The following SLC27A6 variants were observed in gnomAD, a reference collection of about 807,000 sequenced individuals.
The protein encoded by SLC27A6 is solute carrier family 27 member 6, also known as long-chain fatty acid transport protein 6.
SLC27A6 carries 74 observed loss-of-function variants against 63.9 expected under a neutral mutation model. The ratio of observed to expected loss-of-function variants is 1.16; its 90% CI spans 0.96 to 1.40. SLC27A6 has a LOEUF of 1.40. Ranked by LOEUF, SLC27A6 falls within the 40% of genes most tolerant of loss-of-function variation. The pLI, the probability that SLC27A6 is intolerant of heterozygous loss-of-function variation, is 0.00. For missense variants in SLC27A6, 794 were observed against 732.9 expected, an observed-to-expected ratio of 1.08 and a Z score of -0.96; for synonymous variants, 287 against 260.8, an observed-to-expected ratio of 1.10 and a Z score of -0.97.
intron 5 of SLC27A6, among the ~76,000 whole-genome samples, chr5:129,021,976 A>C (rs997070917): frequency 3.9e-5 from 6 of 152,152 alleles, no homozygotes; most frequent in African/African-American, 1.4e-4. Flanking sequence ...AAATTTTCCA[A>C]AAAACAAAGC....
At chr5:128,982,921 G>A (rs1013304720) in intron 1 of SLC27A6, among the ~76,000 whole-genome samples, 3 of 152,144 alleles carry the variant, frequency 2.0e-5, no homozygotes, top group African/African-American at 7.2e-5. Flanking sequence ...TATAATTTCT[G>A]TGTTGCCTTC....
chr5:128,977,960 A>G (rs2150130449), intron 1 of SLC27A6, among the ~76,000 whole-genome samples: 1 of 152,326 alleles, frequency 6.6e-6, no homozygotes, highest in South Asian at 2.1e-4. Context: ...AGATAATATT[A>G]GCAATATCAG....
chr5:129,023,636 A>G lies in SLC27A6; in HGVS notation c.1181A>G (p.Asp394Gly), dbSNP rs1365360155. ...TTTTTGCAGCTTCTTTCCACTTTTG[A>G]CTTAATAAAGTATGACTTTCAGAAA... Reference protein sequence around the residue: ...NLFYKLLSTFDLIKYDFQKDE... With the variant: ...NLFYKLLSTFGLIKYDFQKDE... Residue 394 changes from aspartate to glycine, a missense_variant, in exon 6 of 10, where the codon GAC (aspartate) becomes GGC (glycine). By Grantham distance (94) the Asp-to-Gly change is moderately conservative. Transcript: ENST00000262462. The G allele has an allele frequency of 6.2e-7, 1 of 1,603,348 alleles. No homozygotes were observed. The highest frequency in any genetic ancestry group is 1.7e-5 in the Admixed American group (1 of 57,872).
chr5:128,967,591 A>G (rs1380429481), intron 1 of SLC27A6, among the ~76,000 whole-genome samples: 2 of 152,308 alleles, frequency 1.3e-5, no homozygotes, highest in Non-Finnish European at 2.9e-5. Context: ...TCTCTAAGGT[A>G]TAGAACTTTT....
chr5:129,023,775 C>CAAGGA, intron 6 of SLC27A6, 65 bp downstream of exon 6: 2 of 1,133,298 alleles, frequency 1.8e-6, no homozygotes, highest in Non-Finnish European at 1.3e-6. Flanking sequence ...ACAGACATCC[C>CAAGGA]TTGGTATCCT....
At chr5:129,023,837 G>A in intron 6 of SLC27A6, 127 bp downstream of exon 6, 2 of 654,070 alleles carry the variant, frequency 3.1e-6, no homozygotes, top group Non-Finnish European at 5.4e-6. Context: ...ATGGATGTTT[G>A]CTCCTTATAT....
chr5:129,009,560 TCTC>T (rs1751653559), intron 4 of SLC27A6, among the ~76,000 whole-genome samples: 1 of 152,166 alleles, frequency 6.6e-6, no homozygotes, highest in Non-Finnish European at 1.5e-5. Flanking sequence ...TTACAACTTT[TCTC>T]TTTTCATTCC....
chr5:128,970,257 A>G lies in SLC27A6; in HGVS notation c.481+3639A>G, dbSNP rs375998217. ...TGTTGTGTCTCTGCCAGACTTTGGT[A>G]TCAGGATGATGTTGGCCTCATGAAT... On this transcript the variant is annotated intron_variant, in intron 1 of 9. Coordinates refer to ENST00000262462, the MANE Select transcript of SLC27A6 (RefSeq NM_001017372.3). Among the ~76,000 whole-genome samples, 287 of 152,266 alleles carry G rather than the reference A, an allele frequency of 1.9e-3. 12 individuals are homozygous for G. In the South Asian group the frequency reaches 0.054, roughly 28 times the overall value.
At position 128,996,490 on chromosome 5, in the gene SLC27A6, A is replaced by G. The variant is rs569029606; in HGVS notation, c.969+6026A>G. ...TAAAGTATCAGTGTATTCATTAAGT[A>G]TTTTTATTCATTTTTAAACTTTACA... On this transcript the variant is annotated intron_variant, in intron 4 of 9. Coordinates refer to ENST00000262462, the MANE Select transcript of SLC27A6 (RefSeq NM_001017372.3). Among the ~76,000 whole-genome samples, 190 of 152,244 alleles carry G rather than the reference A, an allele frequency of 1.2e-3. 1 individual carries two copies. Among genetic ancestry groups the G allele is most frequent in the Middle Eastern group, 3.4e-3 (1 of 294 alleles).
At position 129,023,640 on chromosome 5, in the gene SLC27A6, A is replaced by C. The variant is rs1274047764; in HGVS notation, c.1185A>C (p.Leu395Phe). ...LFYKLLSTFD[L>F]IKYDFQKDEP... The stretch of plus-strand genomic sequence containing the variant: ...TGCAGCTTCTTTCCACTTTTGACTT[A>C]ATAAAGTATGACTTTCAGAAAGATG... Residue 395 changes from leucine to phenylalanine, a missense_variant, in exon 6 of 10, where the codon TTA (leucine) becomes TTC (phenylalanine). Coordinates refer to ENST00000262462, the MANE Select transcript of SLC27A6 (RefSeq NM_001017372.3). 4 of 1,606,008 alleles carry C rather than the reference A, an allele frequency of 2.5e-6. No homozygotes were observed. In the African/African-American group the frequency reaches 4.0e-5, roughly 16 times the overall value.
At position 128,985,185 on chromosome 5, in the gene SLC27A6, T is replaced by C; in HGVS notation, c.534T>C (p.Ser178=). The C allele has an allele frequency of 1.2e-6, 2 of 1,613,852 alleles. No homozygotes were observed. The highest frequency in any genetic ancestry group is 1.7e-4 in the Middle Eastern group (1 of 6,024). The stretch of plus-strand genomic sequence containing the variant: ...TTCCAAGCCTCTCAGAAAATATCAG[T>C]GTTTGGGGGATGAAAGATTCTGTTC... ...EILPSLSENI[S]VWGMKDSVPQ... Residue 178 remains serine, a synonymous_variant, in exon 2 of 10, where the codon AGT becomes AGC. Transcript: ENST00000262462.
chr5:128,974,483 A>G (rs577526834), intron 1 of SLC27A6, among the ~76,000 whole-genome samples: 9 of 152,242 alleles, frequency 5.9e-5, no homozygotes, highest in Non-Finnish European at 1.2e-4. Context: ...AATAAGATGT[A>G]GCTTAGATCA....
chr5:128,979,989 T>C (rs901205296), intron 1 of SLC27A6, among the ~76,000 whole-genome samples: 2 of 152,228 alleles, frequency 1.3e-5, no homozygotes, highest in Non-Finnish European at 2.9e-5. Flanking sequence ...TATGCCCTTT[T>C]GGGTGGGAAG....
chr5:129,006,371 T>A (rs1751536918), intron 4 of SLC27A6, among the ~76,000 whole-genome samples: 1 of 152,018 alleles, frequency 6.6e-6, no homozygotes. Context: ...ATTACAGGCA[T>A]GAGCCACCGC....
At chr5:128,966,705 C>G in intron 1 of SLC27A6, 87 bp downstream of exon 1, 1 of 1,307,630 alleles carries the variant, frequency 7.6e-7, no homozygotes, top group Non-Finnish European at 9.8e-7. Context: ...TAATTCGTAA[C>G]TAATATTTTG....
At chr5:129,025,666 A>G (rs1319903587) in intron 6 of SLC27A6, among the ~76,000 whole-genome samples, 2 of 152,122 alleles carry the variant, frequency 1.3e-5, no homozygotes, top group Non-Finnish European at 2.9e-5. Flanking sequence ...GATGATAATG[A>G]TGGTGATGAT....
intron 4 of SLC27A6, among the ~76,000 whole-genome samples, chr5:129,005,608 A>AT (rs34048257): frequency 0.49 from 48,249 of 98,966 alleles, 14,410 homozygotes; most frequent in East Asian, 0.79. Context: ...GTCTGGTTGT[A>AT]TTTTTTTTTT....
intron 2 of SLC27A6, among the ~76,000 whole-genome samples, chr5:128,986,125 AAC>A (rs1181206680): frequency 6.6e-6 from 1 of 152,148 alleles, no homozygotes; most frequent in Admixed American, 6.5e-5. Context: ...CAGCCTAGGC[AAC>A]ACAGTGAGAC....
chr5:128,981,329 A>C (rs1461931403), intron 1 of SLC27A6, among the ~76,000 whole-genome samples: 2 of 151,944 alleles, frequency 1.3e-5, no homozygotes, highest in African/African-American at 4.8e-5. Flanking sequence ...AAAAATACAA[A>C]AATTAGTTAG....
Sources: gnomAD v4.1 joint callset for allele counts (sites outside exome capture counted in the v4.1 genomes callset) on GRCh38, gnomAD v4.1.1 for gene constraint, MANE v1.5 for transcripts, NCBI Gene and HGNC (gene_info 2026-07-23, HGNC 2026-07-21) for gene names.